The following NAALADL1 variants were observed in gnomAD, a reference collection of about 807,000 sequenced individuals.
NAALADL1 encodes N-acetylated alpha-linked acidic dipeptidase like 1.
In NAALADL1, 77 loss-of-function variants were observed where a neutral mutation model predicts 82.8. That is an observed-to-expected ratio of 0.93 (90% CI 0.77 to 1.12). The LOEUF (loss-of-function observed/expected upper bound fraction) is 1.12. Among genes scored for constraint, NAALADL1 ranks in the 50% most tolerant of loss-of-function variants. The pLI is 0.00. For missense variants in NAALADL1, 956 were observed against 964.0 expected (o/e 0.99, Z 0.11); for synonymous variants, 358 against 399.2 (o/e 0.90, Z 1.23).
chr11:65,051,663 A>G (rs1257163012), intron 8 of NAALADL1, among the ~76,000 whole-genome samples: 1 of 151,972 alleles, frequency 6.6e-6, no homozygotes, highest in Non-Finnish European at 1.5e-5. Context: ...GCGACATCAT[A>G]TCATACAAGG....
At chr11:65,057,147 A>C (rs1333783271) in intron 4 of NAALADL1, among the ~76,000 whole-genome samples, 2 of 152,246 alleles carry the variant, frequency 1.3e-5, no homozygotes, top group East Asian at 3.8e-4. Context: ...AATTGTACTC[A>C]ACCCCTTTAT....
At chr11:65,050,204 C>T (rs968032566) in intron 8 of NAALADL1, among the ~76,000 whole-genome samples, 5 of 151,028 alleles carry the variant, frequency 3.3e-5, no homozygotes, top group African/African-American at 7.3e-5. Context: ...TGGGGGCTGG[C>T]GCGGTGACTC....
Position 65,057,917 on chromosome 11 carries a change from C to T in NAALADL1, c.438G>A (p.Val146=). The T allele has an allele frequency of 6.2e-7, 1 of 1,614,086 alleles. No individual in the cohort carries two copies. The highest frequency in any genetic ancestry group is 8.5e-7 in the Non-Finnish European group (1 of 1,179,992). ...GAGCATAGGCAGCATAGGGTTGTAC[C>T]ACATCTGGCCCCCCTTGCTCCCCGG... ...NVTGEQGGPD[V]VQPYAAYAPS... Residue 146 remains valine (V), a synonymous_variant, in exon 3 of 18, where the codon GTG becomes GTA. Coordinates refer to ENST00000358658, the MANE Select transcript of NAALADL1 (RefSeq NM_005468.3).
chr11:65,058,562 G>T (rs1476481226), upstream of NAALADL1: 3 of 1,508,546 alleles, frequency 2.0e-6, no homozygotes, highest in Non-Finnish European at 2.7e-6. Context: ...CTGGTCTATA[G>T]GTTATTCCCT....
Position 65,053,087 on chromosome 11 carries a change from G to T in NAALADL1, c.1198+131C>A. 2 of 1,189,776 alleles carry T rather than the reference G, an allele frequency of 1.7e-6. No individual in the cohort carries two copies. Among genetic ancestry groups the T allele is most frequent in the Non-Finnish European group, 2.3e-6 (2 of 867,804 alleles). The allele number at this position is 1,189,776 out of a possible 1,614,324, so 73.7% of individuals were successfully genotyped here. On this transcript the variant is annotated intron_variant, in intron 8 of 17. Coordinates refer to ENST00000358658, the MANE Select transcript of NAALADL1 (RefSeq NM_005468.3). The surrounding 1 kb of genome is among the most constrained non-coding windows in gnomAD (Gnocchi z 4.3). ...TGGGCTGCTGCAGGCCAAGGCTGGT[G>T]TCATGCATGTCTGCCCCCAGGGCCC...
intron 8 of NAALADL1, among the ~76,000 whole-genome samples, chr11:65,050,639 A>G (rs565192972): frequency 9.3e-5 from 14 of 150,632 alleles, no homozygotes; most frequent in African/African-American, 3.4e-4. Context: ...AAAATACAAA[A>G]ATTAGCCAGG....
rs1188791801 is a variant in NAALADL1, at chr11:65,045,258, A to G, written c.*13T>C. ...GTTGGAGTAAAGGGAGGGCTGAAGAAAGAGGGCTGGGGTCAGAGGTCAGCC... is the reference window on the plus strand; with the variant it reads ...GTTGGAGTAAAGGGAGGGCTGAAGAGAGAGGGCTGGGGTCAGAGGTCAGCC... On this transcript the variant is annotated 3_prime_UTR_variant, in exon 18 of 18. Coordinates refer to ENST00000358658, the MANE Select transcript of NAALADL1 (RefSeq NM_005468.3). The G allele has an allele frequency of 6.2e-7, 1 of 1,602,286 alleles. No homozygotes were observed. The highest frequency in any genetic ancestry group is 1.1e-5 in the South Asian group (1 of 89,834).
chr11:65,060,164 G>A (rs1947160296), upstream of NAALADL1, among the ~76,000 whole-genome samples: 1 of 151,946 alleles, frequency 6.6e-6, no homozygotes, highest in South Asian at 2.1e-4. Context: ...GCATGTGTGT[G>A]TGTGTGATTT....
chr11:65,048,565 A>G (rs1946805031), intron 8 of NAALADL1, 180 bp from the exon 9 acceptor site: 1 of 635,646 alleles, frequency 1.6e-6, no homozygotes, highest in Non-Finnish European at 2.7e-6. Context: ...ACTGACCCCA[A>G]CTCCAAGCCC....
At chr11:65,051,325 T>C (rs1946882518) in intron 8 of NAALADL1, among the ~76,000 whole-genome samples, 1 of 47,960 alleles carries the variant, frequency 2.1e-5, no homozygotes, top group Non-Finnish European at 3.6e-5. Context: ...CTTTTTTTTT[T>C]TTTTTTTTTT....
intron 16 of NAALADL1, 45 bp downstream of exon 16, chr11:65,045,982 C>G: frequency 6.2e-7 from 1 of 1,611,448 alleles, no homozygotes; most frequent in Non-Finnish European, 8.5e-7. Flanking sequence ...TGGTATCCTG[C>G]CCTGGGTGCT....
Position 65,058,539 on chromosome 11 carries a change from A to G in NAALADL1, c.-18T>C. 1.3e-6 allele frequency: 2 copies of G among 1,568,280 alleles called. No homozygotes were observed. Among genetic ancestry groups the G allele is most frequent in the Non-Finnish European group, 1.7e-6 (2 of 1,158,464 alleles). ...CACTGCATCCTGCGGACTCTTGGCC[A>G]GCTGGGGTAGGACTGGTCTATAGGT... On this transcript the variant is annotated 5_prime_UTR_variant, in exon 1 of 18. Coordinates refer to ENST00000358658, the MANE Select transcript of NAALADL1 (RefSeq NM_005468.3).
At position 65,045,362 on chromosome 11, in the gene NAALADL1, TCAGATC is replaced by T; in HGVS notation, c.2126_2131del (p.Gly709_Ser710del). 6.2e-7 allele frequency: 1 copy of T among 1,611,382 alleles called. No homozygotes were observed. The highest frequency in any genetic ancestry group is 1.7e-5 in the Admixed American group (1 of 59,526). Reference sequence around the variant, plus strand: ...CTGTCTCTGGACCTCAGCCCAAGCTTCAGATCCAGAAGCTGTGTCCCTGGCCCTGGA... The same window carrying T: ...CTGTCTCTGGACCTCAGCCCAAGCTTCAGAAGCTGTGTCCCTGGCCCTGGA... On this transcript the variant is annotated inframe_deletion, in exon 18 of 18. Coordinates refer to ENST00000358658, the MANE Select transcript of NAALADL1 (RefSeq NM_005468.3).
intron 1 of NAALADL1, 21 bp downstream of exon 1, chr11:65,058,316 G>T (rs1253878982): frequency 1.9e-6 from 3 of 1,614,098 alleles, no homozygotes; most frequent in Non-Finnish European, 2.5e-6. Context: ...AAACGGAGGA[G>T]CAGATGGCCC....
chr11:65,044,839 G>C lies in NAALADL1; in HGVS notation c.*432C>G. Reference sequence around the variant, plus strand: ...CTTGTTTTGTTGGTACCAGTCACTAGATGTGATTTATTTGAGGGGCTGTTG... The same window carrying C: ...CTTGTTTTGTTGGTACCAGTCACTACATGTGATTTATTTGAGGGGCTGTTG... On this transcript the variant is annotated 3_prime_UTR_variant, in exon 18 of 18. Coordinates refer to ENST00000358658, the MANE Select transcript of NAALADL1 (RefSeq NM_005468.3). The surrounding 1 kb of genome is among the most constrained non-coding windows in gnomAD (Gnocchi z 4.0). 2.5e-6 allele frequency: 3 copies of C among 1,212,216 alleles called. No individual in the cohort carries two copies. Among genetic ancestry groups the C allele is most frequent in the Non-Finnish European group, 3.4e-6 (3 of 890,898 alleles). The allele number at this position is 1,212,216 out of a possible 1,614,324, so 75.1% of individuals were successfully genotyped here.
intron 4 of NAALADL1, among the ~76,000 whole-genome samples, chr11:65,056,514 C>T (rs1403243335): frequency 6.6e-6 from 1 of 152,102 alleles, no homozygotes; most frequent in Non-Finnish European, 1.5e-5. Context: ...ATTCTCCTGC[C>T]TCAGCCTCCT....
intron 13 of NAALADL1, 30 bp from the exon 14 acceptor site, chr11:65,046,556 C>G: frequency 6.2e-7 from 1 of 1,609,374 alleles, no homozygotes; most frequent in Non-Finnish European, 8.5e-7. Context: ...AGGTGACAGG[C>G]TTGGGATGGG....
upstream of NAALADL1, among the ~76,000 whole-genome samples, chr11:65,058,847 G>A (rs1260625629): frequency 6.6e-6 from 1 of 152,182 alleles, no homozygotes; most frequent in East Asian, 1.9e-4. Flanking sequence ...GTTCACAGCA[G>A]GGCCGTGCCC....
chr11:65,048,126 C>A, intron 10 of NAALADL1, 26 bp downstream of exon 10: 2 of 1,614,154 alleles, frequency 1.2e-6, no homozygotes, highest in South Asian at 1.1e-5. Context: ...CGTCTCCTCC[C>A]CTTTCCTGCC....
Sources: gnomAD v4.1 joint callset for allele counts (sites outside exome capture counted in the v4.1 genomes callset) on GRCh38, gnomAD v4.1.1 for gene constraint, Gnocchi (gnomAD v3.1) non-coding constraint, MANE v1.5 for transcripts, NCBI Gene and HGNC (gene_info 2026-07-23, HGNC 2026-07-21) for gene names.